The following TOMM20 variants were observed in gnomAD, a reference collection of about 807,000 sequenced individuals.
The protein encoded by TOMM20 is translocase of outer mitochondrial membrane 20.
TOMM20 carries 10 observed loss-of-function variants against 22.1 expected under a neutral mutation model. The observed-to-expected ratio is 0.45, with a 90% confidence interval of 0.28 to 0.77. The LOEUF (loss-of-function observed/expected upper bound fraction) is 0.77, where lower values mean the gene tolerates loss of function less well. Ranked by LOEUF, TOMM20 falls within the 30% of genes least tolerant of loss-of-function variation. The pLI is 0.13. For synonymous variants in TOMM20, 55 were observed against 61.4 expected (o/e 0.90, Z 0.49); for missense variants, 121 against 172.2 (o/e 0.70, Z 1.66).
At chr1:235,115,173 G>A (rs1474532093) in intron 3 of TOMM20, among the ~76,000 whole-genome samples, 5 of 151,774 alleles carry the variant, frequency 3.3e-5, no homozygotes, top group Admixed American at 1.3e-4. Context: ...CACTGCACTC[G>A]GCCCTAATCC....
intron 3 of TOMM20, among the ~76,000 whole-genome samples, chr1:235,117,695 T>C (rs542913419): frequency 2.2e-4 from 34 of 152,322 alleles, no homozygotes; most frequent in Non-Finnish European, 5.9e-5. Context: ...AATTGGCTGC[T>C]GTGGAAAGAC....
intron 1 of TOMM20, among the ~76,000 whole-genome samples, chr1:235,123,861 T>C (rs773768806): frequency 6.6e-6 from 1 of 152,162 alleles, no homozygotes; most frequent in Admixed American, 6.5e-5. Context: ...CAATATCTAA[T>C]TGCTAAATAT....
chr1:235,116,894 G>A (rs999360351), intron 3 of TOMM20, among the ~76,000 whole-genome samples: 1 of 152,090 alleles, frequency 6.6e-6, no homozygotes, highest in Admixed American at 6.5e-5. Flanking sequence ...CCAGCACTTT[G>A]GGAGGCCAAG....
Position 235,111,990 on chromosome 1 carries a change from C to T in TOMM20, c.*74G>A. Reference sequence around the variant, plus strand: ...ATAACAAGCATATTTGCCCTTATTCCCCCAGAGCTGCTCAACTACCAAGAA... The same window carrying T: ...ATAACAAGCATATTTGCCCTTATTCTCCCAGAGCTGCTCAACTACCAAGAA... On this transcript the variant is annotated 3_prime_UTR_variant, in exon 5 of 5. Coordinates refer to ENST00000366607, the MANE Select transcript of TOMM20 (RefSeq NM_014765.3). 7.7e-7 allele frequency: 1 copy of T among 1,302,722 alleles called. No homozygotes were observed. The highest frequency in any genetic ancestry group is 1.2e-5 in the South Asian group (1 of 80,296). 80.7% of individuals were successfully genotyped at this position (1,302,722 alleles called of 1,614,324 possible).
intron 2 of TOMM20, among the ~76,000 whole-genome samples, 156 bp downstream of exon 2, chr1:235,122,170 C>T (rs1660941153): frequency 1.3e-5 from 2 of 152,160 alleles, no homozygotes; most frequent in African/African-American, 4.8e-5. Flanking sequence ...CTACATTATT[C>T]ACCTACTCCT....
chr1:235,114,488 G>A lies in TOMM20; in HGVS notation c.251-578C>T, dbSNP rs375192832. ...GAGTCTCGCTGTCACCCAGGCTGGA[G>A]TGCAGTGGCACGATCTCGGCTCACT... is the stretch of plus-strand genomic sequence containing the variant. On this transcript the variant is annotated intron_variant, in intron 3 of 4. Transcript: ENST00000366607. Among the ~76,000 whole-genome samples, 22 of 148,360 alleles carry A rather than the reference G, an allele frequency of 1.5e-4. 1 individual carries two copies. The highest frequency in any genetic ancestry group is 5.5e-4 in the African/African-American group (22 of 40,154).
intron 2 of TOMM20, 29 bp from the exon 3 acceptor site, chr1:235,119,928 C>A: frequency 6.8e-7 from 1 of 1,463,860 alleles, no homozygotes; most frequent in Non-Finnish European, 9.5e-7. Flanking sequence ...ATAAATGACA[C>A]CACAATTATG....
chr1:235,116,938 A>T (rs547186047), intron 3 of TOMM20, among the ~76,000 whole-genome samples: 21 of 150,718 alleles, frequency 1.4e-4, no homozygotes, highest in South Asian at 2.1e-4. Context: ...GATCGAGACC[A>T]TCCTGGCTAA....
Position 235,122,369 on chromosome 1 carries a change from CT to C in TOMM20, c.124del (p.Arg42GlufsTer40). 6.3e-7 allele frequency: 1 copy of C among 1,574,942 alleles called. No individual in the cohort carries two copies. The highest frequency in any genetic ancestry group is 8.6e-7 in the Non-Finnish European group (1 of 1,163,566). ...PNFKNRLRER[R>X]KKQKLAKERA... ...CTCCTTGGCAAGCTTCTGTTTCTTTCTTCCTGCAAGAAATGCAAAGTTATAT... is the reference window on the plus strand; with the variant it reads ...CTCCTTGGCAAGCTTCTGTTTCTTTCTCCTGCAAGAAATGCAAAGTTATAT... On this transcript the variant is annotated frameshift_variant and splice_region_variant, in exon 2 of 5. Transcript: ENST00000366607. LOFTEE classifies it high-confidence loss of function.
intron 3 of TOMM20, among the ~76,000 whole-genome samples, chr1:235,115,655 A>T (rs1039410127): frequency 6.6e-6 from 1 of 152,132 alleles, no homozygotes; most frequent in Admixed American, 6.6e-5. Flanking sequence ...ATAAAAAAAT[A>T]ATAACAATAC....
intron 4 of TOMM20, among the ~76,000 whole-genome samples, chr1:235,112,881 T>G (rs1660761850): frequency 6.6e-6 from 1 of 152,210 alleles, no homozygotes; most frequent in African/African-American, 2.4e-5. Context: ...CCTCTAGAAC[T>G]AGAACCACAT....
intron 3 of TOMM20, 145 bp from the exon 4 acceptor site, chr1:235,114,055 C>T (rs1660786371): frequency 1.6e-5 from 13 of 808,244 alleles, no homozygotes; most frequent in South Asian, 2.2e-5. Flanking sequence ...ATTCATATAA[C>T]TATTATGAAG....
Position 235,128,766 on chromosome 1 carries a change from C to T in TOMM20, c.-51G>A, listed in dbSNP as rs778941300. The T allele has an allele frequency of 3.1e-6, 5 of 1,609,924 alleles. No homozygotes were observed. In the South Asian group the frequency reaches 4.4e-5, roughly 14 times the overall value. ...GGTGGCGGCAGGGACCGCGAAGGAG[C>T]GGTGGGCCACGAACCCTCAGAGCGG... On this transcript the variant is annotated 5_prime_UTR_variant, in exon 1 of 5. Transcript: ENST00000366607.
intron 4 of TOMM20, 29 bp downstream of exon 4, chr1:235,113,739 T>G: frequency 1.3e-6 from 2 of 1,586,432 alleles, no homozygotes; most frequent in Non-Finnish European, 1.7e-6. Context: ...TCCCACTCAC[T>G]TTTATGTCAT....
chr1:235,126,511 T>A (rs1661025228), intron 1 of TOMM20, among the ~76,000 whole-genome samples: 1 of 151,942 alleles, frequency 6.6e-6, no homozygotes, highest in African/African-American at 2.4e-5. Context: ...TTTCTACTCA[T>A]AAAAATATCT....
rs772705933 is a variant in TOMM20 at position 235,128,588 on chromosome 1, C to A, written c.121+7G>T. 2 of 1,612,046 alleles carry A rather than the reference C, an allele frequency of 1.2e-6. No individual in the cohort carries two copies. The highest frequency in any genetic ancestry group is 1.7e-6 in the Non-Finnish European group (2 of 1,179,874). On this transcript the variant is annotated splice_region_variant and intron_variant, in intron 1 of 4. Transcript: ENST00000366607. The stretch of plus-strand genomic sequence containing the variant: ...AAGCCTGGCCAGGGGAGAGAGGACC[C>A]ACTCACGTTCTCGAAGCCTGTTCTT...
At chr1:235,118,462 T>C (rs1276497524) in intron 3 of TOMM20, among the ~76,000 whole-genome samples, 6 of 152,242 alleles carry the variant, frequency 3.9e-5, no homozygotes, top group Admixed American at 1.3e-4. Flanking sequence ...GTGTGATGCC[T>C]GTAGGAGACT....
At chr1:235,124,501 T>C (rs1660980179) in intron 1 of TOMM20, among the ~76,000 whole-genome samples, 1 of 152,272 alleles carries the variant, frequency 6.6e-6, no homozygotes, top group Non-Finnish European at 1.5e-5. Flanking sequence ...CTATAGTTAA[T>C]AGTGTGGAGA....
At chr1:235,118,437 G>C (rs1347023315) in intron 3 of TOMM20, among the ~76,000 whole-genome samples, 1 of 152,208 alleles carries the variant, frequency 6.6e-6, no homozygotes, top group Admixed American at 6.5e-5. Context: ...CTCTCAGATT[G>C]ATGGAGAAAT....
Sources: gnomAD v4.1 joint callset for allele counts (sites outside exome capture counted in the v4.1 genomes callset) on GRCh38, gnomAD v4.1.1 for gene constraint, MANE v1.5 for transcripts, NCBI Gene and HGNC (gene_info 2026-07-23, HGNC 2026-07-21) for gene names.